The following LHFPL2 variants were observed in gnomAD, a reference collection of about 807,000 sequenced individuals.
The protein encoded by LHFPL2 is LHFPL tetraspan subfamily member 2.
In LHFPL2, 7 loss-of-function variants were observed where a neutral mutation model predicts 17.5. The ratio of observed to expected loss-of-function variants is 0.40; its 90% CI spans 0.23 to 0.75. The LOEUF (loss-of-function observed/expected upper bound fraction) is 0.75. Among genes scored for constraint, LHFPL2 ranks in the 30% least tolerant of loss-of-function variants. The probability of loss-of-function intolerance (pLI) is 0.37; values close to 1 mark genes in which losing one functional copy is unlikely to be tolerated. For synonymous variants in LHFPL2, 134 were observed against 116.2 expected, an observed-to-expected ratio of 1.15 and a Z score of -0.99; for missense variants, 241 against 294.8, an observed-to-expected ratio of 0.82 and a Z score of 1.34.
chr5:78,593,829 T>C lies in LHFPL2; in HGVS notation c.-244-28958A>G, dbSNP rs1743730796. Among the ~76,000 whole-genome samples, 4 of 152,190 alleles carry C rather than the reference T, an allele frequency of 2.6e-5. No individual in the cohort carries two copies. In the South Asian group the frequency reaches 8.3e-4, roughly 32 times the overall value. On this transcript the variant is annotated intron_variant, in intron 2 of 4. Transcript: ENST00000380345. ...TCACTCACAAACCAGACGGCATGAC[T>C]GTCCCCAGTCCTTCCCTACTCTGAA...
At chr5:78,500,203 G>A (rs758067462) in intron 4 of LHFPL2, among the ~76,000 whole-genome samples, 7 of 152,154 alleles carry the variant, frequency 4.6e-5, no homozygotes, top group Admixed American at 1.3e-4. Context: ...ATTGGGCAAT[G>A]AGCATCTCAG....
intron 4 of LHFPL2, among the ~76,000 whole-genome samples, chr5:78,501,059 A>G (rs1341295979): frequency 6.6e-6 from 1 of 152,190 alleles, no homozygotes; most frequent in Non-Finnish European, 1.5e-5. Context: ...CTAGAGGTAT[A>G]ACTGAAAAGA....
rs552332747 is a variant in LHFPL2 at position 78,582,496 on chromosome 5, C to T, written c.-244-17625G>A. Among the ~76,000 whole-genome samples, 39 of 151,196 alleles carry T rather than the reference C, an allele frequency of 2.6e-4. No homozygotes were observed. The South Asian group carries it at 6.0e-3, about 23-fold the overall frequency. On this transcript the variant is annotated intron_variant, in intron 2 of 4. Transcript: ENST00000380345. ...TTCTGGTATGTTGTGTCTTTGTTCT[C>T]GTTGGTTTCAAAGAACATCTTTATT...
chr5:78,495,700 C>T (rs775205053), intron 4 of LHFPL2, among the ~76,000 whole-genome samples: 1 of 152,170 alleles, frequency 6.6e-6, no homozygotes, highest in South Asian at 2.1e-4. Flanking sequence ...AATATCGGAA[C>T]GTCTCTGGAG....
intron 3 of LHFPL2, among the ~76,000 whole-genome samples, chr5:78,520,975 G>A (rs1299155263): frequency 1.3e-5 from 2 of 152,170 alleles, no homozygotes; most frequent in Non-Finnish European, 2.9e-5. Context: ...CAATTTGATA[G>A]CTGTATGCCG....
chr5:78,638,468 A>G (rs898360094), intron 1 of LHFPL2, among the ~76,000 whole-genome samples: 1 of 152,254 alleles, frequency 6.6e-6, no homozygotes, highest in African/African-American at 2.4e-5. Flanking sequence ...CTTCGAGGGC[A>G]GGACTATAGA....
Position 78,486,016 on chromosome 5 carries a change from C to G in LHFPL2, c.*2881G>C, listed in dbSNP as rs1333679599. The G allele has an allele frequency of 6.6e-6, 1 of 151,762 alleles. No individual in the cohort carries two copies. Among genetic ancestry groups the G allele is most frequent in the African/African-American group, 2.5e-5 (1 of 40,788 alleles). The allele number at this position is 151,762 out of a possible 1,614,324, so 9.4% of individuals were successfully genotyped here. ...TTTGACTCCTGTCCAGTTTCCAAAA[C>G]AAAACAACAAAACATACATACACCT... On this transcript the variant is annotated 3_prime_UTR_variant, in exon 5 of 5. Coordinates refer to ENST00000380345, the MANE Select transcript of LHFPL2 (RefSeq NM_005779.3).
chr5:78,543,453 C>A (rs1453308183), intron 3 of LHFPL2, among the ~76,000 whole-genome samples: 3 of 152,200 alleles, frequency 2.0e-5, no homozygotes, highest in Non-Finnish European at 4.4e-5. Flanking sequence ...AGCAGGGGCA[C>A]AGCATGCATC....
intron 3 of LHFPL2, among the ~76,000 whole-genome samples, chr5:78,515,064 C>T (rs1333689784): frequency 6.6e-6 from 1 of 152,114 alleles, no homozygotes; most frequent in Non-Finnish European, 1.5e-5. Context: ...GAACATTTTC[C>T]TATATAACCA....
chr5:78,499,606 T>C (rs1257952449), intron 4 of LHFPL2, among the ~76,000 whole-genome samples: 1 of 152,220 alleles, frequency 6.6e-6, no homozygotes, highest in African/African-American at 2.4e-5. Flanking sequence ...GAGACTGATA[T>C]GCATTCAAAA....
intron 3 of LHFPL2, among the ~76,000 whole-genome samples, chr5:78,515,997 G>A (rs760149638): frequency 2.6e-5 from 4 of 152,020 alleles, no homozygotes; most frequent in South Asian, 2.1e-4. Context: ...GATAATCCTC[G>A]TACAGCATGA....
chr5:78,603,543 C>T (rs144192062), intron 2 of LHFPL2, among the ~76,000 whole-genome samples: 4 of 152,192 alleles, frequency 2.6e-5, no homozygotes, highest in Non-Finnish European at 4.4e-5. Flanking sequence ...GAAATATATC[C>T]GCAGGAATGG....
chr5:78,590,727 C>G (rs550222530), intron 2 of LHFPL2, among the ~76,000 whole-genome samples: 2 of 152,290 alleles, frequency 1.3e-5, no homozygotes, highest in South Asian at 4.1e-4. Flanking sequence ...CATACGAAAC[C>G]TAGAAATAGT....
intron 2 of LHFPL2, among the ~76,000 whole-genome samples, chr5:78,609,172 A>G (rs1460907677): frequency 6.6e-6 from 1 of 152,068 alleles, no homozygotes; most frequent in Non-Finnish European, 1.5e-5. Context: ...ATCCATCTAT[A>G]AGAGATTGTG....
intron 3 of LHFPL2, among the ~76,000 whole-genome samples, chr5:78,536,256 G>T (rs1350442116): frequency 6.6e-6 from 1 of 152,196 alleles, no homozygotes; most frequent in African/African-American, 2.4e-5. Context: ...CACTGTAAAT[G>T]GCTGTTGCCC....
intron 2 of LHFPL2, among the ~76,000 whole-genome samples, chr5:78,576,468 T>TA (rs1372808136): frequency 3.9e-5 from 6 of 152,148 alleles, no homozygotes; most frequent in Non-Finnish European, 7.4e-5. Context: ...CTCCCATTCC[T>TA]AAAAAAACAA....
rs554183141 is a variant in LHFPL2, at chr5:78,585,574, C to T, written c.-244-20703G>A. On this transcript the variant is annotated intron_variant, in intron 2 of 4. Coordinates refer to ENST00000380345, the MANE Select transcript of LHFPL2 (RefSeq NM_005779.3). ...TGCAGAAATCACCCGTCTTCTGCGT[C>T]GCTCATGCTGGGAGCTGCATACTGG... is the stretch of plus-strand genomic sequence containing the variant. Among the ~76,000 whole-genome samples the T allele has an allele frequency of 2.6e-5, 4 of 152,280 alleles. 1 individual carries two copies. Among genetic ancestry groups the T allele is most frequent in the South Asian group, 2.1e-4 (1 of 4,822 alleles).
chr5:78,508,065 T>A (rs1349068051), intron 4 of LHFPL2, among the ~76,000 whole-genome samples: 3 of 151,934 alleles, frequency 2.0e-5, no homozygotes, highest in Non-Finnish European at 4.4e-5. Flanking sequence ...AACCCACCTT[T>A]AATATTTCTG....
chr5:78,489,337 A>ATTTTCAGCCACTTTTTTACATGT (rs1754361496), intron 4 of LHFPL2, among the ~76,000 whole-genome samples, 184 bp from the exon 5 acceptor site: 1 of 152,142 alleles, frequency 6.6e-6, no homozygotes, highest in Non-Finnish European at 1.5e-5. Context: ...TATTAGAAAT[A>ATTTTCAGCCACTTTTTTACATGT]TTTTCAGCCA....
Sources: gnomAD v4.1 joint callset for allele counts (sites outside exome capture counted in the v4.1 genomes callset) on GRCh38, gnomAD v4.1.1 for gene constraint, MANE v1.5 for transcripts, NCBI Gene and HGNC (gene_info 2026-07-23, HGNC 2026-07-21) for gene names.